The following CFAP20DC variants were observed in gnomAD, a reference collection of about 807,000 sequenced individuals.
The protein encoded by CFAP20DC is CFAP20 domain containing.
In CFAP20DC, 84 loss-of-function variants were observed where a neutral mutation model predicts 101.7. That is an observed-to-expected ratio of 0.83 (90% CI 0.69 to 0.99). CFAP20DC has a LOEUF of 0.99. CFAP20DC is among the 50% of genes least tolerant of loss of function. The pLI, the probability that CFAP20DC is intolerant of heterozygous loss-of-function variation, is 0.00. For missense variants in CFAP20DC, 1,007 were observed against 970.3 expected (o/e 1.04, Z -0.50); for synonymous variants, 359 against 351.2 (o/e 1.02, Z -0.25).
chr3:59,020,429 A>G (rs879772214), intron 4 of CFAP20DC, among the ~76,000 whole-genome samples: 7 of 152,092 alleles, frequency 4.6e-5, no homozygotes, highest in Non-Finnish European at 7.4e-5. Context: ...TTGTTTACTC[A>G]AAAGCCACAG....
chr3:58,896,275 T>C (rs2082661754), intron 6 of CFAP20DC, among the ~76,000 whole-genome samples: 1 of 152,232 alleles, frequency 6.6e-6, no homozygotes, highest in Non-Finnish European at 1.5e-5. Context: ...ATTTGTCTTT[T>C]CATCTTTATT....
At chr3:58,999,328 T>C (rs536915958) in intron 4 of CFAP20DC, among the ~76,000 whole-genome samples, 5 of 152,162 alleles carry the variant, frequency 3.3e-5, no homozygotes, top group East Asian at 1.9e-4. Context: ...CGACTAGAGA[T>C]AGCAGCAAGG....
At chr3:58,723,576 G>C (rs1372137695) in intron 3 of CFAP20DC, among the ~76,000 whole-genome samples, 1 of 152,218 alleles carries the variant, frequency 6.6e-6, no homozygotes, top group Non-Finnish European at 1.5e-5. Context: ...TCAATAAGCA[G>C]CAATTTATTA....
chr3:58,850,931 G>A (rs529407270), intron 12 of CFAP20DC, among the ~76,000 whole-genome samples: 13 of 152,098 alleles, frequency 8.5e-5, no homozygotes, highest in Admixed American at 2.6e-4. Context: ...GGCAGTCTCC[G>A]GTGAAATCTT....
chr3:59,009,353 T>A (rs1238655035), intron 4 of CFAP20DC, among the ~76,000 whole-genome samples: 1 of 151,824 alleles, frequency 6.6e-6, no homozygotes, highest in African/African-American at 2.4e-5. Context: ...GATAAAAAAT[T>A]CAGAAGGTTG....
chr3:58,812,110 C>G (rs2074692772), intron 14 of CFAP20DC, among the ~76,000 whole-genome samples: 1 of 152,136 alleles, frequency 6.6e-6, no homozygotes, highest in Non-Finnish European at 1.5e-5. Context: ...GTTGCTGGGA[C>G]TGTAAACTAG....
chr3:58,909,194 A>T (rs1043286736), intron 6 of CFAP20DC, among the ~76,000 whole-genome samples: 4 of 152,162 alleles, frequency 2.6e-5, no homozygotes, highest in African/African-American at 9.7e-5. Context: ...CATCGATTGT[A>T]ACATATGTAC....
chr3:58,969,692 G>C (rs1230392683), intron 4 of CFAP20DC, among the ~76,000 whole-genome samples: 1 of 152,102 alleles, frequency 6.6e-6, no homozygotes, highest in African/African-American at 2.4e-5. Context: ...CAATAGAATG[G>C]AAACAATAGT....
At chr3:58,906,456 C>T (rs548596932) in intron 6 of CFAP20DC, among the ~76,000 whole-genome samples, 1 of 152,130 alleles carries the variant, frequency 6.6e-6, no homozygotes, top group Non-Finnish European at 1.5e-5. Flanking sequence ...CCTAGTGTGG[C>T]AATATTGTAT....
chr3:58,861,846 T>G lies in CFAP20DC; in HGVS notation c.1593+1712A>C. 2 of 985,476 alleles carry G rather than the reference T, an allele frequency of 2.0e-6. No homozygotes were observed. The highest frequency in any genetic ancestry group is 2.4e-6 in the Non-Finnish European group (2 of 829,940). The allele number at this position is 985,476 out of a possible 1,614,324, so 61.0% of individuals were successfully genotyped here. On this transcript the variant is annotated intron_variant, in intron 12 of 16. Coordinates refer to ENST00000482387, the MANE Select transcript of CFAP20DC (RefSeq NM_001394063.1). This position sits in a 1 kb window ranked among gnomAD's most constrained non-coding sequence, Gnocchi z 4.0. ...TGGCACAGGGGTGACCAGATAGCCC[T>G]GCCAGTGAAAGCTTGGGTAATGCAT...
intron 15 of CFAP20DC, among the ~76,000 whole-genome samples, chr3:58,768,038 A>G (rs938416117): frequency 2.6e-5 from 4 of 152,104 alleles, no homozygotes; most frequent in Non-Finnish European, 5.9e-5. Flanking sequence ...TTTTTTCAAG[A>G]TACAGTAGGA....
At chr3:58,941,794 G>A (rs2088636336) in intron 4 of CFAP20DC, among the ~76,000 whole-genome samples, 2 of 152,166 alleles carry the variant, frequency 1.3e-5, no homozygotes, top group East Asian at 3.9e-4. Flanking sequence ...CTGACCTCGT[G>A]ATCCGCCCGC....
intron 7 of CFAP20DC, among the ~76,000 whole-genome samples, chr3:58,879,193 GT>G (rs1339559470): frequency 1.3e-5 from 2 of 152,128 alleles, no homozygotes; most frequent in African/African-American, 2.4e-5. Flanking sequence ...GGTTTTGGAT[GT>G]TCTCATCACC....
chr3:58,818,219 G>C (rs1003940758), intron 14 of CFAP20DC, among the ~76,000 whole-genome samples: 1 of 151,870 alleles, frequency 6.6e-6, no homozygotes, highest in Non-Finnish European at 1.5e-5. Context: ...AGACTAGAAA[G>C]AAACTGCATC....
At chr3:59,035,499 G>A (rs573828059) in intron 4 of CFAP20DC, among the ~76,000 whole-genome samples, 1 of 152,220 alleles carries the variant, frequency 6.6e-6, no homozygotes, top group Admixed American at 6.5e-5. Context: ...AATAAAAAAG[G>A]ATAAAGGGGA....
chr3:59,010,514 T>C (rs1230089769), intron 4 of CFAP20DC, among the ~76,000 whole-genome samples: 1 of 152,042 alleles, frequency 6.6e-6, no homozygotes, highest in Non-Finnish European at 1.5e-5. Flanking sequence ...AATATCACAA[T>C]CCTAAATATA....
intron 4 of CFAP20DC, among the ~76,000 whole-genome samples, chr3:58,949,780 A>G (rs2089870321): frequency 6.6e-6 from 1 of 152,230 alleles, no homozygotes; most frequent in African/African-American, 2.4e-5. Flanking sequence ...TCAAAATAAT[A>G]AGAGCTATCT....
At chr3:58,810,639 G>C (rs1407797444) in intron 14 of CFAP20DC, among the ~76,000 whole-genome samples, 2 of 148,324 alleles carry the variant, frequency 1.3e-5, no homozygotes, top group Non-Finnish European at 2.9e-5. Flanking sequence ...TTTGAAAACT[G>C]GCACAAGACA....
chr3:58,863,842 T>G lies in CFAP20DC; in HGVS notation c.1309A>C (p.Ser437Arg). ...NADHISYLASSRQSLLLGDDS... is the reference protein window; with the variant it reads ...NADHISYLASRRQSLLLGDDS... Reference sequence around the variant, plus strand: ...TCACCCAGAAGTAGAGACTGTCTGCTGGATGCCAGATATGAAATGTGATCA... The same window carrying G: ...TCACCCAGAAGTAGAGACTGTCTGCGGGATGCCAGATATGAAATGTGATCA... The change falls in exon 12 of 17, where the codon AGC becomes CGC. Residue 437 changes from serine (S) to arginine (R), a missense_variant. Ser to Arg is a moderately radical substitution (Grantham distance 110, BLOSUM62 -1). Transcript: ENST00000482387. This position sits in a 1 kb window ranked among gnomAD's most constrained non-coding sequence, Gnocchi z 5.9. The G allele has an allele frequency of 4.3e-6, 7 of 1,614,136 alleles. No homozygotes were observed. The highest frequency in any genetic ancestry group is 5.9e-6 in the Non-Finnish European group (7 of 1,179,992).
Sources: gnomAD v4.1 joint callset for allele counts (sites outside exome capture counted in the v4.1 genomes callset) on GRCh38, gnomAD v4.1.1 for gene constraint, Gnocchi (gnomAD v3.1) non-coding constraint, MANE v1.5 for transcripts, NCBI Gene and HGNC (gene_info 2026-07-23, HGNC 2026-07-21) for gene names.